The following SLC2A2 variants were observed in gnomAD, a reference collection of about 807,000 sequenced individuals.
SLC2A2 encodes solute carrier family 2, facilitated glucose transporter member 2.
Under a neutral mutation model 54.5 loss-of-function variants are expected in SLC2A2, and 36 were observed. The ratio of observed to expected loss-of-function variants is 0.66; its 90% CI spans 0.51 to 0.87. The LOEUF is 0.87. Ranked by LOEUF, SLC2A2 falls within the 40% of genes least tolerant of loss-of-function variation. The pLI is 0.00. For missense variants in SLC2A2, 543 were observed against 624.3 expected, an observed-to-expected ratio of 0.87 and a Z score of 1.39; for synonymous variants, 223 against 219.1, an observed-to-expected ratio of 1.02 and a Z score of -0.16.
intron 2 of SLC2A2, among the ~76,000 whole-genome samples, chr3:171,016,937 C>G (rs1716182319): frequency 1.3e-5 from 2 of 151,082 alleles, no homozygotes; most frequent in African/African-American, 4.9e-5. Flanking sequence ...ATCGCAACCT[C>G]TGCCTCCCGG....
intron 6 of SLC2A2, 81 bp downstream of exon 6, chr3:171,005,862 A>G (rs1328564256): frequency 7.2e-6 from 10 of 1,379,460 alleles, no homozygotes; most frequent in Middle Eastern, 1.8e-4. Context: ...TTAATCACCA[A>G]CTTCATGTGG....
At chr3:171,007,457 G>A in intron 4 of SLC2A2, 194 bp from the exon 5 acceptor site, 1 of 583,152 alleles carries the variant, frequency 1.7e-6, no homozygotes, top group Non-Finnish European at 3.1e-6. Context: ...AGTTGTAGTT[G>A]GAAACATGAA....
At chr3:171,002,712 T>A in intron 7 of SLC2A2, 32 bp from the exon 8 acceptor site, 1 of 1,257,492 alleles carries the variant, frequency 8.0e-7, no homozygotes, top group Non-Finnish European at 1.2e-6. Context: ...GCCTTAATCT[T>A]AAGAAGTCTG....
At position 171,005,985 on chromosome 3, in the gene SLC2A2, A is replaced by G. The variant is rs1480881050; in HGVS notation, c.733T>C (p.Tyr245His). ...TCCTCATCTAACTTGATGTAAAGGT[A>G]TCTGGGGCTTTCTGGACAGAAAAAG... is the stretch of plus-strand genomic sequence containing the variant. ...LLFFCPESPRYLYIKLDEEVK... is the reference protein window; with the variant it reads ...LLFFCPESPRHLYIKLDEEVK... The change falls in exon 6 of 11, where the codon TAC becomes CAC. Residue 245 changes from tyrosine to histidine, a missense_variant. Tyr to His is a moderately conservative substitution (Grantham distance 83, BLOSUM62 2). Transcript: ENST00000314251. The G allele has an allele frequency of 1.9e-6, 3 of 1,612,616 alleles. No individual in the cohort carries two copies. The highest frequency in any genetic ancestry group is 2.5e-6 in the Non-Finnish European group (3 of 1,179,050).
chr3:171,006,940 C>T lies in SLC2A2; in HGVS notation c.612+208G>A, dbSNP rs1499821. Among the ~76,000 whole-genome samples the T allele has an allele frequency of 0.14, 22,001 of 151,822 alleles. 1,719 individuals carry two copies. The highest frequency in any genetic ancestry group is 0.19 in the East Asian group (988 of 5,130). On this transcript the variant is annotated intron_variant, in intron 5 of 10. Transcript: ENST00000314251. ...GGAGTGATAATAATTTACCTTTGAA[C>T]GAAAAACTCTATGTCTCTACACCAC... is the stretch of plus-strand genomic sequence containing the variant.
intron 1 of SLC2A2, among the ~76,000 whole-genome samples, chr3:171,019,103 A>AGATATGTGTGTGTGTG (rs1716315895): frequency 2.3e-5 from 1 of 42,630 alleles, no homozygotes; most frequent in Admixed American, 2.2e-4. Flanking sequence ...GTGTGTATAT[A>AGATATGTGTGTGTGTG]TATATATATA....
At chr3:171,013,865 GT>G (rs1463578558) in intron 3 of SLC2A2, among the ~76,000 whole-genome samples, 1 of 152,206 alleles carries the variant, frequency 6.6e-6, no homozygotes, top group African/African-American at 2.4e-5. Context: ...TTCCACTGAT[GT>G]TTTTAATCCA....
chr3:171,006,911 G>A (rs1057001224), intron 5 of SLC2A2, among the ~76,000 whole-genome samples: 3 of 152,054 alleles, frequency 2.0e-5, no homozygotes, highest in Non-Finnish European at 4.4e-5. Flanking sequence ...AAGGGGAAAA[G>A]TGAGGAGTGA....
At chr3:171,025,317 TATA>T (rs1196703033) in intron 1 of SLC2A2, among the ~76,000 whole-genome samples, 1 of 144,494 alleles carries the variant, frequency 6.9e-6, no homozygotes, top group Non-Finnish European at 1.5e-5. Flanking sequence ...TACATTATAA[TATA>T]ATTTATCTTT....
At chr3:171,018,484 C>T in intron 2 of SLC2A2, 47 bp downstream of exon 2, 4 of 1,264,260 alleles carry the variant, frequency 3.2e-6, no homozygotes, top group Non-Finnish European at 4.6e-6. Context: ...TGATATCTAT[C>T]ACTGACAGAA....
chr3:171,020,183 A>G (rs1213278120), intron 1 of SLC2A2, among the ~76,000 whole-genome samples: 1 of 152,168 alleles, frequency 6.6e-6, no homozygotes, highest in Non-Finnish European at 1.5e-5. Context: ...AGTATAAAGA[A>G]TAGCAAATTA....
chr3:171,024,552 T>C (rs1174790429), intron 1 of SLC2A2, among the ~76,000 whole-genome samples: 1 of 152,148 alleles, frequency 6.6e-6, no homozygotes, highest in Non-Finnish European at 1.5e-5. Flanking sequence ...ACTACATGTC[T>C]CCAAAACCTA....
At chr3:171,006,602 A>C (rs183775541) in intron 5 of SLC2A2, among the ~76,000 whole-genome samples, 1,608 of 152,098 alleles carry the variant, frequency 0.011, 35 homozygotes, top group African/African-American at 0.036. Flanking sequence ...TGTCTTGGCG[A>C]TTCCTATGGC....
At chr3:171,005,509 C>G in intron 6 of SLC2A2, 37 bp from the exon 7 acceptor site, 1 of 1,549,456 alleles carries the variant, frequency 6.5e-7, no homozygotes, top group East Asian at 2.2e-5. Context: ...ACAACTCAGG[C>G]CAAAACAAAA....
intron 9 of SLC2A2, among the ~76,000 whole-genome samples, chr3:170,998,775 G>T (rs1715212261): frequency 6.6e-6 from 1 of 152,132 alleles, no homozygotes; most frequent in Non-Finnish European, 1.5e-5. Context: ...ATGTGGCAGA[G>T]TCAGCATTAA....
At chr3:171,014,119 T>A (rs566913176) in intron 3 of SLC2A2, among the ~76,000 whole-genome samples, 34 of 152,332 alleles carry the variant, frequency 2.2e-4, no homozygotes, top group African/African-American at 7.7e-4. Context: ...AACAATGGAC[T>A]CCCAGGTTAA....
At chr3:171,005,156 C>T (rs1294019841) in intron 7 of SLC2A2, 129 bp downstream of exon 7, 35 of 786,558 alleles carry the variant, frequency 4.4e-5, no homozygotes, top group Non-Finnish European at 6.2e-5. Flanking sequence ...ACTCAATGTA[C>T]GTTTGTTATA....
chr3:171,014,647 C>T lies in SLC2A2; in HGVS notation c.193G>A (p.Asp65Asn), dbSNP rs754585542. 6 of 1,613,970 alleles carry T rather than the reference C, an allele frequency of 3.7e-6. No individual in the cohort carries two copies. Among genetic ancestry groups the T allele is most frequent in the Admixed American group, 1.7e-5 (1 of 60,002 alleles). ...AINNYVINST[D>N]ELPTISYSMN... ...GAGTATGAGATTGTGGGCAGTTCAT[C>T]TGTACTGTTGATAACATAGTTGTTG... Residue 65 changes from aspartate to asparagine, a missense_variant, in exon 3 of 11, where the codon GAT becomes AAT. This residue lies in a region of SLC2A2 where 318 missense variants were observed against 343.8 expected (regional missense o/e 0.93). Transcript: ENST00000314251.
rs1277408245 is a variant in SLC2A2 at position 171,026,701 on chromosome 3, G to A, written c.-31C>T. 2 of 1,608,974 alleles carry A rather than the reference G, an allele frequency of 1.2e-6. No homozygotes were observed. The highest frequency in any genetic ancestry group is 2.2e-5 in the South Asian group (2 of 90,984). On this transcript the variant is annotated 5_prime_UTR_variant, in exon 1 of 11. Transcript: ENST00000314251. ...TAGTTGGGAGTCCTGTCAATTCCAG[G>A]TCTTGTGTGAGTGTGGCACATGCAC...
Sources: allele counts gnomAD v4.1 joint callset (sites outside exome capture counted in the v4.1 genomes callset), GRCh38; gene constraint gnomAD v4.1.1; regional missense constraint gnomAD v4.1.1; transcripts MANE v1.5; gene names NCBI Gene and HGNC (gene_info 2026-07-23, HGNC 2026-07-21).